CDH18: variants seen among roughly 807,000 people sequenced by gnomAD.
The protein encoded by CDH18 is cadherin-18.
A neutral mutation model predicts 67.9 loss-of-function variants in CDH18; 31 were observed. The observed-to-expected ratio is 0.46, with a 90% confidence interval of 0.34 to 0.62. CDH18 has a LOEUF of 0.62. Among genes scored for constraint, CDH18 ranks in the 20% least tolerant of loss-of-function variants. CDH18 has a pLI of 0.01. For synonymous variants in CDH18, 362 were observed against 347.2 expected (o/e 1.04, Z -0.48); for missense variants, 890 against 975.5 (o/e 0.91, Z 1.17).
chr5:19,502,733 C>A (rs1456344627), intron 11 of CDH18: 1 of 480,106 alleles, frequency 2.1e-6, no homozygotes, highest in African/African-American at 2.0e-5. Flanking sequence ...GCTAAGATTT[C>A]TCTTAAAATT....
At chr5:20,382,221 G>T (rs1040225250) in intron 1 of CDH18, among the ~76,000 whole-genome samples, 59 of 152,134 alleles carry the variant, frequency 3.9e-4, no homozygotes, top group Non-Finnish European at 7.8e-4. Context: ...CATCAGAGAA[G>T]TGAGACAATA....
At chr5:20,118,712 T>TG (rs1748115109) in intron 2 of CDH18, among the ~76,000 whole-genome samples, 1 of 152,152 alleles carries the variant, frequency 6.6e-6, no homozygotes, top group Admixed American at 6.6e-5. Context: ...CCTCCCATAG[T>TG]GTCCCTTCTC....
chr5:19,564,774 AGGCGTT>A (rs1237053731), intron 8 of CDH18, among the ~76,000 whole-genome samples: 1 of 152,246 alleles, frequency 6.6e-6, no homozygotes, highest in East Asian at 1.9e-4. Context: ...CCCTGATTCC[AGGCGTT>A]GGCTCAGAGG....
chr5:20,274,139 A>C (rs1251188027), intron 1 of CDH18, among the ~76,000 whole-genome samples: 2 of 152,162 alleles, frequency 1.3e-5, no homozygotes, highest in Admixed American at 6.6e-5. Flanking sequence ...AGAAAGGTAC[A>C]TATTAGAATG....
intron 2 of CDH18, among the ~76,000 whole-genome samples, chr5:20,074,506 C>T (rs1477036701): frequency 1.3e-5 from 2 of 152,068 alleles, no homozygotes; most frequent in African/African-American, 4.8e-5. Flanking sequence ...AAGTAACATT[C>T]CAAATTAACA....
At chr5:20,453,571 ATATGTG>A (rs900703061) in intron 1 of CDH18, among the ~76,000 whole-genome samples, 5 of 74,322 alleles carry the variant, frequency 6.7e-5, no homozygotes, top group South Asian at 5.1e-4. Flanking sequence ...GTGTATATAT[ATATGTG>A]TGTGTGTGTG....
chr5:19,801,555 A>G (rs1196301066), intron 3 of CDH18, among the ~76,000 whole-genome samples: 2 of 152,148 alleles, frequency 1.3e-5, no homozygotes, highest in Admixed American at 1.3e-4. Flanking sequence ...GGGCATAAGG[A>G]TTTTTTAAAA....
At chr5:20,424,745 TAAAAAA>T (rs67349001) in intron 1 of CDH18, among the ~76,000 whole-genome samples, 2 of 42,910 alleles carry the variant, frequency 4.7e-5, no homozygotes, top group South Asian at 1.3e-3. Flanking sequence ...AGACTCTGTC[TAAAAAA>T]AAAAAAAAAA....
In CDH18 at chr5:20,402,625, C is replaced by T. The variant is rs186547576; in HGVS notation, c.-579-147120G>A. 2.7e-3 allele frequency among the ~76,000 whole-genome samples: 412 copies of T among 151,020 alleles called. 2 individuals carry two copies. The highest frequency in any genetic ancestry group is 9.7e-3 in the African/African-American group (391 of 40,424). ...AGTGTACAATAATATTGTCTAAAAACGTGGATATCTTAACTTAAAATATTG... is the reference window on the plus strand; with the variant it reads ...AGTGTACAATAATATTGTCTAAAAATGTGGATATCTTAACTTAAAATATTG... On this transcript the variant is annotated intron_variant, in intron 1 of 14. Coordinates refer to the CDH18 transcript ENST00000507958.
In CDH18 at chr5:19,713,910, G is replaced by A. The variant is rs1480706904; in HGVS notation, c.643+7437C>T. Reference sequence around the variant, plus strand: ...AGATTTCAGGTTGAAAGTAATGAAAGTATTCTCAGGAAGCCAGCTCAACAC... The same window carrying A: ...AGATTTCAGGTTGAAAGTAATGAAAATATTCTCAGGAAGCCAGCTCAACAC... On this transcript the variant is annotated intron_variant, in intron 5 of 12. Transcript: ENST00000382275. Among the ~76,000 whole-genome samples, 4 of 152,080 alleles carry A rather than the reference G, an allele frequency of 2.6e-5. No homozygotes were observed. In the East Asian group the frequency reaches 7.7e-4, roughly 29 times the overall value.
intron 3 of CDH18, among the ~76,000 whole-genome samples, chr5:19,822,899 C>T (rs892812589): frequency 2.6e-5 from 4 of 152,100 alleles, no homozygotes; most frequent in Non-Finnish European, 5.9e-5. Flanking sequence ...GAGACTGGGG[C>T]TTATTTCATC....
At chr5:20,235,589 C>G (rs896181774) in intron 2 of CDH18, among the ~76,000 whole-genome samples, 11 of 152,064 alleles carry the variant, frequency 7.2e-5, no homozygotes, top group Non-Finnish European at 1.3e-4. Context: ...CATCTCACAC[C>G]ATTCAGAATG....
chr5:20,371,987 C>T (rs1268735431), intron 1 of CDH18, among the ~76,000 whole-genome samples: 1 of 152,222 alleles, frequency 6.6e-6, no homozygotes, highest in Non-Finnish European at 1.5e-5. Context: ...TTCTCATGCT[C>T]TTTCCATGCC....
intron 1 of CDH18, among the ~76,000 whole-genome samples, chr5:20,382,692 G>C (rs537995036): frequency 2.0e-5 from 3 of 152,100 alleles, no homozygotes; most frequent in Non-Finnish European, 4.4e-5. Context: ...AGCAATAAAC[G>C]TGATGTCCCT....
intron 1 of CDH18, among the ~76,000 whole-genome samples, chr5:20,525,423 A>G (rs1214578843): frequency 6.6e-6 from 1 of 152,102 alleles, no homozygotes; most frequent in Non-Finnish European, 1.5e-5. Flanking sequence ...TACAGGCTGA[A>G]AAGCAACACC....
At chr5:20,323,691 T>G (rs1376331848) in intron 1 of CDH18, among the ~76,000 whole-genome samples, 2 of 152,242 alleles carry the variant, frequency 1.3e-5, no homozygotes, top group Admixed American at 6.5e-5. Flanking sequence ...GGCACTAAAC[T>G]ATCTTAGTTC....
intron 1 of CDH18, among the ~76,000 whole-genome samples, chr5:20,314,568 G>A (rs1005029246): frequency 1.3e-5 from 2 of 151,962 alleles, no homozygotes; most frequent in African/African-American, 4.8e-5. Context: ...TATTGATAAA[G>A]GATCTGTGGT....
chr5:20,019,673 C>A (rs1407113210), intron 2 of CDH18, among the ~76,000 whole-genome samples: 1 of 152,176 alleles, frequency 6.6e-6, no homozygotes, highest in African/African-American at 2.4e-5. Context: ...GGCTGTGGAA[C>A]TGTAAGTCAA....
chr5:19,792,869 T>G (rs2149819273), intron 3 of CDH18, among the ~76,000 whole-genome samples: 1 of 152,330 alleles, frequency 6.6e-6, no homozygotes, highest in South Asian at 2.1e-4. Flanking sequence ...ACTTTACTTC[T>G]ACTTTAGAAG....
Sources: allele counts gnomAD v4.1 joint callset (sites outside exome capture counted in the v4.1 genomes callset), GRCh38; gene constraint gnomAD v4.1.1; transcripts MANE v1.5; gene names NCBI Gene and HGNC (gene_info 2026-07-23, HGNC 2026-07-21).